The following XYLT1 variants were observed in gnomAD, a reference collection of about 807,000 sequenced individuals.
XYLT1 encodes the protein xylosyltransferase 1.
In XYLT1, 36 loss-of-function variants were observed where a neutral mutation model predicts 91.3. That is an observed-to-expected ratio of 0.39 (90% CI 0.30 to 0.52). XYLT1 has a LOEUF of 0.52. Among genes scored for constraint, XYLT1 ranks in the 20% least tolerant of loss-of-function variants. The probability of loss-of-function intolerance (pLI) is 0.68; values close to 1 mark genes in which losing one functional copy is unlikely to be tolerated. For synonymous variants in XYLT1, 588 were observed against 532.0 expected, an observed-to-expected ratio of 1.11 and a Z score of -1.45; for missense variants, 1,242 against 1,284.5, an observed-to-expected ratio of 0.97 and a Z score of 0.51.
At chr16:17,403,219 C>T (rs1247926043) in intron 1 of XYLT1, among the ~76,000 whole-genome samples, 2 of 152,172 alleles carry the variant, frequency 1.3e-5, no homozygotes, top group East Asian at 3.9e-4. Flanking sequence ...CATATCCAGC[C>T]TTGGATGCAG....
intron 8 of XYLT1, 60 bp from the exon 9 acceptor site, chr16:17,134,795 A>C: frequency 6.3e-7 from 1 of 1,590,936 alleles, no homozygotes; most frequent in South Asian, 1.1e-5. Context: ...GGTTGGGGGG[A>C]ACCTAAGGGC....
intron 9 of XYLT1, among the ~76,000 whole-genome samples, chr16:17,129,741 T>G (rs1285901942): frequency 1.3e-5 from 2 of 152,116 alleles, no homozygotes. Context: ...AATTTTAAAT[T>G]GTATTTAGTT....
At chr16:17,195,577 G>T (rs1248179497) in intron 5 of XYLT1, among the ~76,000 whole-genome samples, 2 of 151,676 alleles carry the variant, frequency 1.3e-5, no homozygotes, top group Admixed American at 6.6e-5. Flanking sequence ...TCCCAAGTAG[G>T]GGGGATTACA....
intron 2 of XYLT1, among the ~76,000 whole-genome samples, chr16:17,347,584 T>C (rs1293708952): frequency 2.6e-5 from 4 of 152,314 alleles, no homozygotes; most frequent in African/African-American, 9.6e-5. Flanking sequence ...CAATCCACCG[T>C]TGGGCATTCA....
intron 1 of XYLT1, among the ~76,000 whole-genome samples, chr16:17,420,733 T>C (rs35898871): frequency 0.11 from 16,010 of 152,282 alleles, 980 homozygotes; most frequent in Non-Finnish European, 0.15. Flanking sequence ...TGAATGTGTG[T>C]GCATGTCATT....
At chr16:17,383,953 G>T (rs1023943810) in intron 1 of XYLT1, among the ~76,000 whole-genome samples, 1 of 151,730 alleles carries the variant, frequency 6.6e-6, no homozygotes, top group East Asian at 2.0e-4. Context: ...TCGCCATGTG[G>T]GCCAGGCTGG....
At chr16:17,382,244 C>A (rs1239139049) in intron 1 of XYLT1, among the ~76,000 whole-genome samples, 1 of 151,826 alleles carries the variant, frequency 6.6e-6, no homozygotes, top group Non-Finnish European at 1.5e-5. Flanking sequence ...CACTGCACAT[C>A]ATCACAGGTA....
At chr16:17,290,157 T>C (rs2034200146) in intron 2 of XYLT1, among the ~76,000 whole-genome samples, 1 of 152,248 alleles carries the variant, frequency 6.6e-6, no homozygotes, top group Non-Finnish European at 1.5e-5. Flanking sequence ...GAGGTAGACT[T>C]GAGTGTTTAG....
chr16:17,271,437 G>T (rs1394309548), intron 2 of XYLT1, among the ~76,000 whole-genome samples: 1 of 152,044 alleles, frequency 6.6e-6, no homozygotes. Context: ...CACAGAGCAA[G>T]AGACACAGAG....
At chr16:17,358,541 G>C (rs1005539112) in intron 1 of XYLT1, among the ~76,000 whole-genome samples, 2 of 152,146 alleles carry the variant, frequency 1.3e-5, no homozygotes, top group African/African-American at 4.8e-5. Flanking sequence ...CATCAGGACA[G>C]CTTGGCCCAG....
intron 6 of XYLT1, among the ~76,000 whole-genome samples, chr16:17,151,937 C>T (rs990792881): frequency 3.3e-5 from 5 of 152,096 alleles, no homozygotes; most frequent in African/African-American, 1.2e-4. Context: ...GGCTGGAGTA[C>T]CTGGGCTTGG....
chr16:17,333,587 A>ATTT lies in XYLT1; in HGVS notation c.402+24422_402+24424dup, dbSNP rs140911793. Among the ~76,000 whole-genome samples the ATTT allele has an allele frequency of 1.6e-4, 23 of 140,146 alleles. 3 individuals are homozygous for ATTT. The highest frequency in any genetic ancestry group is 2.2e-4 in the South Asian group (1 of 4,616). 91.9% of individuals were successfully genotyped at this position (140,146 alleles called of 152,430 possible). Reference sequence around the variant, plus strand: ...TGAAATTAATTAATTAATTAATTTAATTTATTTTTTTTTTTTTTGAGATGA... The same window carrying ATTT: ...TGAAATTAATTAATTAATTAATTTAATTTTTTATTTTTTTTTTTTTTGAGATGA... On this transcript the variant is annotated intron_variant, in intron 2 of 11. Coordinates refer to ENST00000261381, the MANE Select transcript of XYLT1 (RefSeq NM_022166.4).
At chr16:17,325,650 G>A (rs572843641) in intron 2 of XYLT1, among the ~76,000 whole-genome samples, 26 of 152,170 alleles carry the variant, frequency 1.7e-4, no homozygotes, top group Non-Finnish European at 3.2e-4. Flanking sequence ...TTCCTTCTTG[G>A]TCATTTTCCA....
chr16:17,344,577 A>G (rs1340229994), intron 2 of XYLT1, among the ~76,000 whole-genome samples: 1 of 152,060 alleles, frequency 6.6e-6, no homozygotes, highest in Admixed American at 6.6e-5. Context: ...TCCACAGGGT[A>G]AACAAGGTTG....
intron 1 of XYLT1, among the ~76,000 whole-genome samples, chr16:17,397,900 G>A (rs1189687000): frequency 7.0e-6 from 1 of 143,380 alleles, no homozygotes. Context: ...TCGGCTCACT[G>A]CAACCTCTGC....
At chr16:17,348,239 C>T (rs1391191112) in intron 2 of XYLT1, among the ~76,000 whole-genome samples, 2 of 152,096 alleles carry the variant, frequency 1.3e-5, no homozygotes, top group Non-Finnish European at 1.5e-5. Flanking sequence ...ACAAAGAGGG[C>T]GTGCGGGGCT....
At chr16:17,328,367 C>A (rs181706480) in intron 2 of XYLT1, among the ~76,000 whole-genome samples, 1 of 151,620 alleles carries the variant, frequency 6.6e-6, no homozygotes, top group African/African-American at 2.4e-5. Flanking sequence ...AGCAACATGG[C>A]AAAACCCCGT....
At chr16:17,243,699 G>A (rs1160374391) in intron 3 of XYLT1, among the ~76,000 whole-genome samples, 1 of 152,198 alleles carries the variant, frequency 6.6e-6, no homozygotes, top group Non-Finnish European at 1.5e-5. Context: ...AGCACAAGGA[G>A]CGGCAACGGT....
rs552233803 is a variant in XYLT1 at position 17,391,946 on chromosome 16, C to T, written c.364-33896G>A. On this transcript the variant is annotated intron_variant, in intron 1 of 11. Coordinates refer to ENST00000261381, the MANE Select transcript of XYLT1 (RefSeq NM_022166.4). ...GCTCCTCATTTGCCTTCCGTCATGACTGCAAGGCCTCCACAGCCATGTGGA... is the reference window on the plus strand; with the variant it reads ...GCTCCTCATTTGCCTTCCGTCATGATTGCAAGGCCTCCACAGCCATGTGGA... 4.8e-4 allele frequency among the ~76,000 whole-genome samples: 73 copies of T among 152,314 alleles called. 2 individuals carry two copies. The South Asian group carries it at 0.014, about 29-fold the overall frequency.
Sources: gnomAD v4.1 joint callset for allele counts (sites outside exome capture counted in the v4.1 genomes callset) on GRCh38, gnomAD v4.1.1 for gene constraint, MANE v1.5 for transcripts, NCBI Gene and HGNC (gene_info 2026-07-23, HGNC 2026-07-21) for gene names.